The following HERPUD2 variants were observed in gnomAD, a reference collection of about 807,000 sequenced individuals.
The protein encoded by HERPUD2 is HERPUD family member 2.
HERPUD2 carries 13 observed loss-of-function variants against 49.9 expected under a neutral mutation model. The observed-to-expected ratio is 0.26, with a 90% CI of 0.17 to 0.41. The LOEUF is 0.41. HERPUD2 is among the 10% of genes least tolerant of loss of function. The pLI, the probability that HERPUD2 is intolerant of heterozygous loss-of-function variation, is 1.00. For missense variants in HERPUD2, 449 were observed against 492.2 expected (o/e 0.91, Z 0.83); for synonymous variants, 172 against 171.4 (o/e 1.00, Z -0.03).
intron 5 of HERPUD2, among the ~76,000 whole-genome samples, chr7:35,651,477 A>T (rs1220368565): frequency 6.6e-6 from 1 of 151,906 alleles, no homozygotes; most frequent in Non-Finnish European, 1.5e-5. Flanking sequence ...CACTACTGAC[A>T]CTGTTCCTGA....
At position 35,633,730 on chromosome 7, in the gene HERPUD2, G is replaced by A; in HGVS notation, c.1181C>T (p.Thr394Ile). Reference sequence around the variant, plus strand: ...GGGAGGCCCCTCTGGTATTAGTGAAGTAAAGAAGGTGGTGATGAAAGACCA... The same window carrying A: ...GGGAGGCCCCTCTGGTATTAGTGAAATAAAGAAGGTGGTGATGAAAGACCA... ...SAWSFITTFF[T>I]SLIPEGPPQV... Residue 394 changes from threonine (T) to isoleucine (I), a missense_variant, in exon 9 of 9, where the codon ACT (threonine) becomes ATT (isoleucine). Thr to Ile is a moderately conservative substitution (Grantham distance 89). Coordinates refer to ENST00000311350, the MANE Select transcript of HERPUD2 (RefSeq NM_022373.5). The A allele has an allele frequency of 1.2e-6, 2 of 1,613,946 alleles. No homozygotes were observed. Among genetic ancestry groups the A allele is most frequent in the Non-Finnish European group, 1.7e-6 (2 of 1,179,922 alleles).
chr7:35,635,900 T>C (rs1446857540), intron 6 of HERPUD2, among the ~76,000 whole-genome samples: 2 of 152,250 alleles, frequency 1.3e-5, no homozygotes, highest in East Asian at 1.9e-4. Context: ...ACTATTATTA[T>C]ACTGTGTGTC....
chr7:35,660,827 T>G (rs1373847509), intron 5 of HERPUD2, among the ~76,000 whole-genome samples: 1 of 152,182 alleles, frequency 6.6e-6, no homozygotes, highest in Non-Finnish European at 1.5e-5. Flanking sequence ...ATTCCGTAGG[T>G]TGCCTGTTCA....
At chr7:35,667,270 A>G (rs1431778540) in intron 5 of HERPUD2, among the ~76,000 whole-genome samples, 164 bp downstream of exon 5, 5 of 152,236 alleles carry the variant, frequency 3.3e-5, no homozygotes, top group South Asian at 2.1e-4. Flanking sequence ...AGGTTTGAAA[A>G]GCAGTGCTCT....
intron 5 of HERPUD2, among the ~76,000 whole-genome samples, chr7:35,644,993 C>T (rs1028157517): frequency 2.0e-5 from 3 of 152,072 alleles, no homozygotes; most frequent in African/African-American, 4.8e-5. Context: ...CAAATACACA[C>T]TGTTTACAGA....
At chr7:35,675,115 C>T (rs970810396) in intron 2 of HERPUD2, among the ~76,000 whole-genome samples, 1 of 152,168 alleles carries the variant, frequency 6.6e-6, no homozygotes, top group African/African-American at 2.4e-5. Flanking sequence ...AGCCCTCAAC[C>T]TGTGGAATCT....
At chr7:35,689,229 G>C (rs1244919592) in intron 2 of HERPUD2, among the ~76,000 whole-genome samples, 1 of 152,102 alleles carries the variant, frequency 6.6e-6, no homozygotes, top group Non-Finnish European at 1.5e-5. Context: ...TAAAATTTTA[G>C]TGAGCAGTCA....
chr7:35,658,339 T>C (rs1475145746), intron 5 of HERPUD2, among the ~76,000 whole-genome samples: 4 of 151,144 alleles, frequency 2.6e-5, no homozygotes, highest in African/African-American at 4.9e-5. Flanking sequence ...GTGCTGGGAG[T>C]GGTGGGGGTG....
At chr7:35,665,026 C>G (rs1785507495) in intron 5 of HERPUD2, among the ~76,000 whole-genome samples, 1 of 152,226 alleles carries the variant, frequency 6.6e-6, no homozygotes, top group African/African-American at 2.4e-5. Flanking sequence ...AGTCGCCCCC[C>G]TACTGGGAGA....
Position 35,686,728 on chromosome 7 carries a change from A to C in HERPUD2, c.147+7456T>G, listed in dbSNP as rs1786057250. On this transcript the variant is annotated intron_variant, in intron 2 of 8. Coordinates refer to ENST00000311350, the MANE Select transcript of HERPUD2 (RefSeq NM_022373.5). Reference sequence around the variant, plus strand: ...AACGACACTCCGTCTCAAAAAAAAAAAAAAAAAAAAAAAAAAACCAAACCC... The same window carrying C: ...AACGACACTCCGTCTCAAAAAAAAACAAAAAAAAAAAAAAAAACCAAACCC... 2.9e-5 allele frequency among the ~76,000 whole-genome samples: 3 copies of C among 103,902 alleles called. 1 individual carries two copies. The South Asian group carries it at 1.2e-3, about 43-fold the overall frequency. 68.2% of individuals were successfully genotyped at this position (103,902 alleles called of 152,430 possible).
intron 5 of HERPUD2, among the ~76,000 whole-genome samples, chr7:35,665,269 G>C (rs1277217198): frequency 1.3e-5 from 2 of 152,224 alleles, no homozygotes; most frequent in Non-Finnish European, 2.9e-5. Context: ...GCTCCACCCA[G>C]TTCGAGCTTC....
intron 5 of HERPUD2, among the ~76,000 whole-genome samples, chr7:35,655,710 TA>T (rs1158558160): frequency 2.0e-5 from 3 of 152,102 alleles, no homozygotes; most frequent in Non-Finnish European, 4.4e-5. Flanking sequence ...CAAGAGAAAG[TA>T]AGAAAAGGCA....
At chr7:35,684,899 AAAAAT>A (rs1362146994) in intron 2 of HERPUD2, among the ~76,000 whole-genome samples, 3 of 152,214 alleles carry the variant, frequency 2.0e-5, no homozygotes, top group Non-Finnish European at 2.9e-5. Flanking sequence ...TATGGAAATA[AAAAAT>A]AAAATAAAAG....
At chr7:35,670,043 G>C (rs1386852428) in intron 4 of HERPUD2, among the ~76,000 whole-genome samples, 172 bp downstream of exon 4, 1 of 151,798 alleles carries the variant, frequency 6.6e-6, no homozygotes, top group African/African-American at 2.4e-5. Context: ...CTGCGTATTA[G>C]ATCTTTCAAA....
intron 6 of HERPUD2, 45 bp from the exon 7 acceptor site, chr7:35,635,503 T>C: frequency 6.7e-7 from 1 of 1,490,918 alleles, no homozygotes; most frequent in Non-Finnish European, 9.1e-7. Flanking sequence ...AAAAAAACTT[T>C]ACCATACCAT....
intron 1 of HERPUD2, 80 bp downstream of exon 1, chr7:35,694,721 A>G: frequency 4.6e-6 from 1 of 216,218 alleles, no homozygotes; most frequent in Non-Finnish European, 9.6e-6. Flanking sequence ...GAACGCAACA[A>G]GGCCCCTACG....
intron 6 of HERPUD2, 25 bp downstream of exon 6, chr7:35,638,325 A>T: frequency 6.4e-7 from 1 of 1,561,238 alleles, no homozygotes; most frequent in Non-Finnish European, 8.7e-7. Flanking sequence ...TGAGTAACTT[A>T]AAAAATGAAC....
At chr7:35,681,029 C>T (rs1785878144) in intron 2 of HERPUD2, among the ~76,000 whole-genome samples, 1 of 151,992 alleles carries the variant, frequency 6.6e-6, no homozygotes, top group South Asian at 2.1e-4. Flanking sequence ...TACATGTAAT[C>T]GTGAAAAACA....
At chr7:35,635,061 G>T in intron 7 of HERPUD2, 74 bp downstream of exon 7, 2 of 1,106,776 alleles carry the variant, frequency 1.8e-6, no homozygotes, top group South Asian at 1.4e-5. Flanking sequence ...ATTCACAACA[G>T]ACTACCCTAC....
Sources: allele counts gnomAD v4.1 joint callset (sites outside exome capture counted in the v4.1 genomes callset), GRCh38; gene constraint gnomAD v4.1.1; transcripts MANE v1.5; gene names NCBI Gene and HGNC (gene_info 2026-07-23, HGNC 2026-07-21).